Variants in MIS18A observed in about 807,000 individuals in gnomAD.
MIS18A encodes MIS18 kinetochore protein A, also known as protein Mis18-alpha.
In MIS18A, 14 loss-of-function variants were observed where a neutral mutation model predicts 25.0. That is an observed-to-expected ratio of 0.56 (90% confidence interval 0.37 to 0.88). MIS18A has a LOEUF of 0.88. Among genes scored for constraint, MIS18A ranks in the 40% least tolerant of loss-of-function variants. MIS18A has a pLI of 0.00. For missense variants in MIS18A, 292 were observed against 290.8 expected, an observed-to-expected ratio of 1.00 and a Z score of -0.03; for synonymous variants, 134 against 118.6, an observed-to-expected ratio of 1.13 and a Z score of -0.84.
the MIS18A span, among the ~76,000 whole-genome samples, chr21:32,249,357 A>C: frequency 1.3e-5 from 2 of 152,104 alleles, no homozygotes; most frequent in Admixed American, 1.3e-4. Flanking sequence ...CCACCCTCTA[A>C]CAGGCTGCCC....
At chr21:32,261,370 G>C in the MIS18A span, 1 of 152,248 alleles carries the variant, frequency 6.6e-6, no homozygotes. Context: ...TTGAAGTGTT[G>C]AGTGGGCAAA....
chr21:32,169,112 A>G, the MIS18A span, among the ~76,000 whole-genome samples: 1 of 152,152 alleles, frequency 6.6e-6, no homozygotes, highest in Non-Finnish European at 1.5e-5. Context: ...TAGTAAGGAT[A>G]ACAATCTTTG....
At chr21:32,261,213 CAAG>C in the MIS18A span, 1 of 152,122 alleles carries the variant, frequency 6.6e-6, no homozygotes, top group Admixed American at 6.5e-5. Context: ...TGCGGGCAAT[CAAG>C]AAGAAAATGT....
At chr21:32,274,766 C>T in intron 2 of MIS18A, 64 bp downstream of exon 2, 1 of 1,285,758 alleles carries the variant, frequency 7.8e-7, no homozygotes, top group Non-Finnish European at 1.1e-6. Flanking sequence ...CTAGTAATGA[C>T]CTTTTAAAGA....
the MIS18A span, among the ~76,000 whole-genome samples, chr21:32,172,264 A>G: frequency 2.0e-5 from 3 of 152,120 alleles, no homozygotes; most frequent in Non-Finnish European, 2.9e-5. Context: ...TAGATCTATC[A>G]TAGGATACAA....
chr21:32,161,955 T>A, the MIS18A span, among the ~76,000 whole-genome samples: 1 of 152,068 alleles, frequency 6.6e-6, no homozygotes, highest in African/African-American at 2.4e-5. Context: ...CACTAGATTA[T>A]ATTAACCTCA....
At chr21:32,161,436 AT>A in the MIS18A span, among the ~76,000 whole-genome samples, 1 of 151,878 alleles carries the variant, frequency 6.6e-6, no homozygotes, top group Non-Finnish European at 1.5e-5. Context: ...GGGGGTGACC[AT>A]TTACTTAGGC....
the MIS18A span, among the ~76,000 whole-genome samples, chr21:32,249,068 GCTGT>G: frequency 6.6e-6 from 1 of 152,174 alleles, no homozygotes; most frequent in African/African-American, 2.4e-5. Context: ...CACTTGCATA[GCTGT>G]CATTAAACTT....
the MIS18A span, among the ~76,000 whole-genome samples, chr21:32,233,123 T>C: frequency 2.0e-5 from 3 of 152,346 alleles, no homozygotes; most frequent in South Asian, 6.2e-4. Context: ...AGGCCAGTGT[T>C]TAATTGCTTT....
At chr21:32,212,154 C>T in the MIS18A span, among the ~76,000 whole-genome samples, 1 of 152,198 alleles carries the variant, frequency 6.6e-6, no homozygotes, top group South Asian at 2.1e-4. Flanking sequence ...GAGAGGTTTA[C>T]ATCAAGGCAA....
chr21:32,172,248 T>C, the MIS18A span, among the ~76,000 whole-genome samples: 2 of 152,082 alleles, frequency 1.3e-5, no homozygotes, highest in African/African-American at 4.8e-5. Flanking sequence ...TTCTAAAAAT[T>C]AAAAATAGAT....
the MIS18A span, among the ~76,000 whole-genome samples, chr21:32,232,906 C>T: frequency 6.6e-6 from 1 of 152,120 alleles, no homozygotes; most frequent in African/African-American, 2.4e-5. Context: ...ATTTTAGGTG[C>T]TCTCTACAGG....
At chr21:32,236,167 G>T in the MIS18A span, among the ~76,000 whole-genome samples, 4 of 151,706 alleles carry the variant, frequency 2.6e-5, no homozygotes, top group Non-Finnish European at 5.9e-5. Context: ...GAGATCAGGA[G>T]ATCGAGACCA....
rs755340970 is a variant in MIS18A at position 32,278,661 on chromosome 21, C to A, written c.334+20G>T. 6.0e-6 allele frequency: 9 copies of A among 1,498,916 alleles called. No homozygotes were observed. The South Asian group carries it at 1.0e-4, about 17-fold the overall frequency. The allele number at this position is 1,498,916 out of a possible 1,614,324, so 92.9% of individuals were successfully genotyped here. ...AGAAGGCGACCCCACGCCCCCCCTG[C>A]CCGGCTCGACCCAACTGACAGCGAA... On this transcript the variant is annotated intron_variant, in intron 1 of 4. Coordinates refer to ENST00000290130, the MANE Select transcript of MIS18A (RefSeq NM_018944.3).
the MIS18A span, among the ~76,000 whole-genome samples, chr21:32,191,417 C>T: frequency 5.9e-5 from 9 of 152,028 alleles, no homozygotes; most frequent in African/African-American, 2.2e-4. Context: ...TAGCAAGACC[C>T]GATTTCTACA....
At chr21:32,182,704 A>G in the MIS18A span, among the ~76,000 whole-genome samples, 1 of 152,220 alleles carries the variant, frequency 6.6e-6, no homozygotes, top group African/African-American at 2.4e-5. Flanking sequence ...GGGAATCCAC[A>G]GGCCTGGATT....
At chr21:32,168,026 A>T in the MIS18A span, among the ~76,000 whole-genome samples, 1 of 152,148 alleles carries the variant, frequency 6.6e-6, no homozygotes, top group Non-Finnish European at 1.5e-5. Flanking sequence ...GGAGGTAATT[A>T]GGTCATGAAA....
chr21:32,242,169 C>T, the MIS18A span, among the ~76,000 whole-genome samples: 2 of 152,226 alleles, frequency 1.3e-5, no homozygotes, highest in Non-Finnish European at 2.9e-5. Context: ...CGCGAGCCAT[C>T]GCGCCCGGCC....
chr21:32,274,179 T>C (rs553384029), intron 2 of MIS18A, among the ~76,000 whole-genome samples: 2 of 151,036 alleles, frequency 1.3e-5, no homozygotes, highest in African/African-American at 4.9e-5. Flanking sequence ...TTTTATAATA[T>C]AGGTATTTCC....
Sources: gnomAD v4.1 joint callset for allele counts (sites outside exome capture counted in the v4.1 genomes callset) on GRCh38, gnomAD v4.1.1 for gene constraint, MANE v1.5 for transcripts, NCBI Gene and HGNC (gene_info 2026-07-23, HGNC 2026-07-21) for gene names.